ANO6: variants seen among roughly 807,000 people sequenced by gnomAD.
ANO6 encodes anoctamin 6.
Under a neutral mutation model 117.5 loss-of-function variants are expected in ANO6, and 106 were observed. The observed-to-expected ratio is 0.90, with a 90% confidence interval of 0.77 to 1.06. The LOEUF (loss-of-function observed/expected upper bound fraction) is 1.06, where lower values mean the gene tolerates loss of function less well. ANO6 is among the 50% of genes least tolerant of loss of function. ANO6 has a pLI of 0.00. For missense variants in ANO6, 955 were observed against 1,121.1 expected (o/e 0.85, Z 2.12); for synonymous variants, 367 against 385.1 (o/e 0.95, Z 0.55).
At chr12:45,263,859 T>G (rs1335231241) in intron 1 of ANO6, among the ~76,000 whole-genome samples, 1 of 152,182 alleles carries the variant, frequency 6.6e-6, no homozygotes, top group Non-Finnish European at 1.5e-5. Context: ...ACAGCTTGGC[T>G]CCCTTCTGTG....
At chr12:45,382,575 C>G (rs548582179) in intron 10 of ANO6, among the ~76,000 whole-genome samples, 62 of 152,258 alleles carry the variant, frequency 4.1e-4, no homozygotes, top group Non-Finnish European at 6.9e-4. Context: ...TATTCTCCAT[C>G]TAGGGTTATC....
intron 1 of ANO6, among the ~76,000 whole-genome samples, chr12:45,242,829 C>A (rs777351095): frequency 1.3e-5 from 2 of 151,374 alleles, no homozygotes; most frequent in African/African-American, 4.8e-5. Context: ...GAAAAGCTTA[C>A]AATTTTTCAC....
chr12:45,261,360 A>C (rs893807314), intron 1 of ANO6, among the ~76,000 whole-genome samples: 4 of 152,102 alleles, frequency 2.6e-5, no homozygotes, highest in African/African-American at 7.2e-5. Context: ...GCTATCCTGG[A>C]TTGGACACTT....
intron 9 of ANO6, among the ~76,000 whole-genome samples, chr12:45,370,910 G>T (rs1033814062): frequency 6.6e-6 from 1 of 152,162 alleles, no homozygotes; most frequent in Non-Finnish European, 1.5e-5. Flanking sequence ...CCTGAGCAAC[G>T]CAGGAGACGG....
chr12:45,236,779 T>C (rs1947652221), intron 1 of ANO6, among the ~76,000 whole-genome samples: 1 of 152,214 alleles, frequency 6.6e-6, no homozygotes, highest in African/African-American at 2.4e-5. Flanking sequence ...GTATTTCTAG[T>C]TCTAGATCCT....
chr12:45,270,373 G>A (rs1938354957), intron 1 of ANO6: 1 of 1,405,246 alleles, frequency 7.1e-7, no homozygotes, highest in African/African-American at 1.5e-5. Context: ...TACAGAGGCA[G>A]GTCTGATGCC....
intron 2 of ANO6, among the ~76,000 whole-genome samples, chr12:45,311,068 T>A (rs568500581): frequency 6.6e-6 from 1 of 152,146 alleles, no homozygotes; most frequent in African/African-American, 2.4e-5. Context: ...CCACAGACAT[T>A]TTTGGTGTTT....
At position 45,416,793 on chromosome 12, in the gene ANO6, C is replaced by T. The variant is rs201874992; in HGVS notation, c.2106C>T (p.Asp702=). ...ACAATATATTGGAAATAAGAGTGGA[C>T]GCATGGAAACTGACCACCCAGTTTA... ...LVNNILEIRV[D]AWKLTTQFRR... Residue 702 remains aspartate, a synonymous_variant, in exon 17 of 20, where the codon GAC becomes GAT. Coordinates refer to ENST00000320560, the MANE Select transcript of ANO6 (RefSeq NM_001025356.3). 11 of 1,614,066 alleles carry T rather than the reference C, an allele frequency of 6.8e-6. No individual in the cohort carries two copies. The highest frequency in any genetic ancestry group is 4.5e-5 in the East Asian group (2 of 44,882).
intron 7 of ANO6, among the ~76,000 whole-genome samples, chr12:45,354,726 C>G (rs2137466835): frequency 6.6e-6 from 1 of 152,282 alleles, no homozygotes; most frequent in African/African-American, 2.4e-5. Context: ...CAATTATTAA[C>G]TCTAGGGAGA....
At chr12:45,216,542 G>T in intron 1 of ANO6, 151 bp downstream of exon 1, 1 of 896,318 alleles carries the variant, frequency 1.1e-6, no homozygotes, top group East Asian at 2.8e-5. Context: ...GCTGTCCCCG[G>T]CTGCTTGCAG....
intron 1 of ANO6, among the ~76,000 whole-genome samples, chr12:45,297,621 T>C (rs931326893): frequency 6.6e-6 from 1 of 152,178 alleles, no homozygotes; most frequent in Admixed American, 6.5e-5. Context: ...GAAAATTCTT[T>C]TGGGCTGTTG....
intron 12 of ANO6, among the ~76,000 whole-genome samples, chr12:45,400,298 A>C (rs891180889): frequency 6.6e-6 from 1 of 152,240 alleles, no homozygotes; most frequent in Non-Finnish European, 1.5e-5. Context: ...AATTTTTAAA[A>C]ACACATAATA....
At chr12:45,331,581 CA>C (rs1246877161) in intron 3 of ANO6, among the ~76,000 whole-genome samples, 158 bp downstream of exon 3, 1 of 152,028 alleles carries the variant, frequency 6.6e-6, no homozygotes, top group Non-Finnish European at 1.5e-5. Flanking sequence ...AGCATATTAA[CA>C]AAACGTTTTT....
intron 1 of ANO6, among the ~76,000 whole-genome samples, chr12:45,263,656 G>T (rs1343587303): frequency 6.6e-6 from 1 of 152,076 alleles, no homozygotes; most frequent in African/African-American, 2.4e-5. Flanking sequence ...CCTCTGGCAG[G>T]ATTACATGAA....
intron 1 of ANO6, among the ~76,000 whole-genome samples, chr12:45,243,137 C>T (rs1238357297): frequency 6.6e-6 from 1 of 152,068 alleles, no homozygotes; most frequent in African/African-American, 2.4e-5. Context: ...GGCAATGTAG[C>T]GAGACCCAAT....
chr12:45,250,107 T>C (rs1251987169), intron 1 of ANO6, among the ~76,000 whole-genome samples: 1 of 152,126 alleles, frequency 6.6e-6, no homozygotes, highest in Non-Finnish European at 1.5e-5. Context: ...TTACTAGAGA[T>C]AATAAATGGT....
intron 9 of ANO6, among the ~76,000 whole-genome samples, chr12:45,371,589 C>G (rs1465291303): frequency 1.3e-5 from 2 of 152,042 alleles, no homozygotes; most frequent in African/African-American, 2.4e-5. Context: ...AGGCACCCCC[C>G]AGCAGGGGCA....
At chr12:45,420,204 TAG>T (rs1943322205) in intron 17 of ANO6, among the ~76,000 whole-genome samples, 2 of 152,184 alleles carry the variant, frequency 1.3e-5, no homozygotes, top group Non-Finnish European at 2.9e-5. Context: ...AAAGTGAACT[TAG>T]AGGTCATTAT....
intron 1 of ANO6, among the ~76,000 whole-genome samples, chr12:45,242,932 G>A (rs1224479975): frequency 6.6e-6 from 1 of 152,154 alleles, no homozygotes; most frequent in Non-Finnish European, 1.5e-5. Context: ...TTGCAAACAT[G>A]TATAGAAAAA....
Sources: gnomAD v4.1 joint callset for allele counts (sites outside exome capture counted in the v4.1 genomes callset) on GRCh38, gnomAD v4.1.1 for gene constraint, MANE v1.5 for transcripts, NCBI Gene and HGNC (gene_info 2026-07-23, HGNC 2026-07-21) for gene names.